The following ANKRD11 variants were observed in gnomAD, a reference collection of about 807,000 sequenced individuals.
ANKRD11 encodes the protein ankyrin repeat domain-containing protein 11.
A neutral mutation model predicts 195.7 loss-of-function variants in ANKRD11; 17 were observed. The ratio of observed to expected loss-of-function variants is 0.09; its 90% CI spans 0.06 to 0.13. ANKRD11 has a LOEUF of 0.13. Ranked by LOEUF, ANKRD11 falls within the 10% of genes least tolerant of loss-of-function variation. The probability of loss-of-function intolerance (pLI) is 1.00; values close to 1 mark genes in which losing one functional copy is unlikely to be tolerated. For missense variants in ANKRD11, 3,735 were observed against 3,566.1 expected, an observed-to-expected ratio of 1.05 and a Z score of -1.21; for synonymous variants, 1,953 against 1,528.1, an observed-to-expected ratio of 1.28 and a Z score of -6.49.
chr16:89,436,948 G>C (rs946151945), intron 1 of ANKRD11, among the ~76,000 whole-genome samples: 16 of 152,284 alleles, frequency 1.1e-4, no homozygotes, highest in Admixed American at 9.8e-4. Context: ...CTTTTAAAAA[G>C]AGAGAAAAGT....
intron 7 of ANKRD11, chr16:89,288,312 C>T: frequency 1.3e-6 from 1 of 742,750 alleles, no homozygotes; most frequent in Non-Finnish European, 2.3e-6. Flanking sequence ...ATAGATGGCA[C>T]TTGCTGGGAA....
chr16:89,382,771 G>C (rs1386965045), intron 2 of ANKRD11, among the ~76,000 whole-genome samples: 1 of 152,186 alleles, frequency 6.6e-6, no homozygotes, highest in Non-Finnish European at 1.5e-5. Flanking sequence ...TGAGTCAACT[G>C]TGTTCAGCTG....
chr16:89,338,033 G>A (rs537866525), intron 2 of ANKRD11, among the ~76,000 whole-genome samples: 14 of 152,224 alleles, frequency 9.2e-5, no homozygotes, highest in South Asian at 2.1e-4. Context: ...CAGTATCATG[G>A]TGACTCCCTA....
rs570760647 is a variant in ANKRD11 at position 89,291,643 on chromosome 16, C to A, written c.227-460G>T. On this transcript the variant is annotated intron_variant, in intron 4 of 12. Coordinates refer to ENST00000301030, the MANE Select transcript of ANKRD11 (RefSeq NM_013275.6). The surrounding 1 kb of genome is among the most constrained non-coding windows in gnomAD (Gnocchi z 5.3). ...ATAAAATGGCAGACACAGTTTAAAA[C>A]ACATCAGTAAATCAAGGCCAACTGG... 1 of 1,275,344 alleles carries A rather than the reference C, an allele frequency of 7.8e-7. No homozygotes were observed. The highest frequency in any genetic ancestry group is 1.0e-6 in the Non-Finnish European group (1 of 975,344). 79.0% of individuals were successfully genotyped at this position (1,275,344 alleles called of 1,614,324 possible).
At chr16:89,322,759 G>C (rs571371343) in intron 2 of ANKRD11, among the ~76,000 whole-genome samples, 1 of 152,240 alleles carries the variant, frequency 6.6e-6, no homozygotes, top group African/African-American at 2.4e-5. Flanking sequence ...CGTCGGCCCT[G>C]GGCACAGCCC....
intron 1 of ANKRD11, among the ~76,000 whole-genome samples, chr16:89,444,446 C>G (rs1373420141): frequency 2.7e-5 from 4 of 150,620 alleles, no homozygotes; most frequent in African/African-American, 9.8e-5. Context: ...CCTACTTTTG[C>G]AACGGGGCGG....
At chr16:89,393,018 CT>C (rs2041265941) in intron 2 of ANKRD11, among the ~76,000 whole-genome samples, 1 of 151,986 alleles carries the variant, frequency 6.6e-6, no homozygotes, top group Non-Finnish European at 1.5e-5. Context: ...TCACATTCTA[CT>C]TCTTATTCAA....
chr16:89,465,893 G>T (rs547006056), intron 1 of ANKRD11, among the ~76,000 whole-genome samples: 1 of 152,248 alleles, frequency 6.6e-6, no homozygotes, highest in Admixed American at 6.5e-5. Context: ...TGTATTTTTA[G>T]TAGAGATGGG....
chr16:89,275,247 G>A, intron 9 of ANKRD11, 56 bp from the exon 10 acceptor site: 2 of 1,480,462 alleles, frequency 1.4e-6, no homozygotes, highest in Non-Finnish European at 1.8e-6. Context: ...CTGCACGAAG[G>A]ATATAGTCTG....
intron 1 of ANKRD11, among the ~76,000 whole-genome samples, chr16:89,426,529 T>TCACACACACA (rs55664494): frequency 0.018 from 2,516 of 142,296 alleles, 49 homozygotes; most frequent in South Asian, 0.05. Flanking sequence ...CACTTAAACA[T>TCACACACACA]CACACACACA....
At chr16:89,325,598 C>T (rs758949780) in intron 2 of ANKRD11, among the ~76,000 whole-genome samples, 133 of 152,300 alleles carry the variant, frequency 8.7e-4, no homozygotes, top group African/African-American at 3.0e-3. Flanking sequence ...AAGACATCCG[C>T]GAAGCGTGGA....
chr16:89,336,651 C>A (rs1176948547), intron 2 of ANKRD11, among the ~76,000 whole-genome samples: 2 of 152,174 alleles, frequency 1.3e-5, no homozygotes, highest in African/African-American at 4.8e-5. Context: ...ACCACACCCC[C>A]CGGGTGGGCC....
At chr16:89,311,581 A>G (rs963995841) in intron 3 of ANKRD11, among the ~76,000 whole-genome samples, 4 of 152,262 alleles carry the variant, frequency 2.6e-5, no homozygotes, top group African/African-American at 9.6e-5. Flanking sequence ...AAAATTAACT[A>G]GAAATGGATC....
intron 2 of ANKRD11, among the ~76,000 whole-genome samples, chr16:89,343,286 C>G (rs1286408940): frequency 1.3e-5 from 2 of 152,232 alleles, no homozygotes; most frequent in East Asian, 3.8e-4. Flanking sequence ...AGCCACCGCA[C>G]TGGGCCTGAG....
intron 4 of ANKRD11, among the ~76,000 whole-genome samples, chr16:89,303,372 C>A (rs1003057181): frequency 1.3e-5 from 2 of 152,188 alleles, no homozygotes; most frequent in African/African-American, 4.8e-5. Context: ...GCCTAAAGCC[C>A]GAGAGTACAC....
chr16:89,354,578 G>C (rs1365633822), intron 2 of ANKRD11, among the ~76,000 whole-genome samples: 2 of 152,166 alleles, frequency 1.3e-5, no homozygotes, highest in East Asian at 1.9e-4. Flanking sequence ...TGTCATCAAA[G>C]CATGCTTTAA....
At chr16:89,304,240 G>A (rs2036023157) in intron 4 of ANKRD11, among the ~76,000 whole-genome samples, 1 of 152,196 alleles carries the variant, frequency 6.6e-6, no homozygotes, top group East Asian at 1.9e-4. Context: ...CACCAGGAGC[G>A]TGTGCACATG....
At chr16:89,456,028 C>A (rs2056418168) in intron 1 of ANKRD11, among the ~76,000 whole-genome samples, 1 of 152,050 alleles carries the variant, frequency 6.6e-6, no homozygotes, top group South Asian at 2.1e-4. Flanking sequence ...CACCTGAGGT[C>A]AGGAGTTTGA....
intron 1 of ANKRD11, among the ~76,000 whole-genome samples, chr16:89,471,557 T>C (rs184247756): frequency 9.2e-5 from 14 of 151,840 alleles, no homozygotes; most frequent in African/African-American, 2.4e-4. Context: ...CTCTGGGAGG[T>C]AGAGGTGGGC....
Sources: allele counts gnomAD v4.1 joint callset (sites outside exome capture counted in the v4.1 genomes callset), GRCh38; gene constraint gnomAD v4.1.1; non-coding constraint Gnocchi (gnomAD v3.1); transcripts MANE v1.5; gene names NCBI Gene and HGNC (gene_info 2026-07-23, HGNC 2026-07-21).